The following CCDC82 variants were observed in gnomAD, a reference collection of about 807,000 sequenced individuals.
The protein encoded by CCDC82 is coiled-coil domain-containing protein 82.
Under a neutral mutation model 60.6 loss-of-function variants are expected in CCDC82, and 47 were observed. That is an observed-to-expected ratio of 0.77 (90% CI 0.61 to 0.99). The LOEUF (loss-of-function observed/expected upper bound fraction) is 0.99. Among genes scored for constraint, CCDC82 ranks in the 50% least tolerant of loss-of-function variants. The pLI is 0.00. For missense variants in CCDC82, 588 were observed against 633.0 expected, an observed-to-expected ratio of 0.93 and a Z score of 0.76; for synonymous variants, 212 against 207.4, an observed-to-expected ratio of 1.02 and a Z score of -0.19.
chr11:96,353,567 T>A lies in CCDC82; in HGVS notation c.*79A>T. On this transcript the variant is annotated 3_prime_UTR_variant, in exon 10 of 10. Coordinates refer to ENST00000646818, the MANE Select transcript of CCDC82 (RefSeq NM_024725.4). ...AAGATATAGATAAAATGTACAAACATGTCACATGATACAGAAAAACAAGAA... is the reference window on the plus strand; with the variant it reads ...AAGATATAGATAAAATGTACAAACAAGTCACATGATACAGAAAAACAAGAA... 6.5e-6 allele frequency: 7 copies of A among 1,070,648 alleles called. No individual in the cohort carries two copies. The South Asian group carries it at 9.0e-5, about 14-fold the overall frequency. The allele number at this position is 1,070,648 out of a possible 1,614,324, so 66.3% of individuals were successfully genotyped here.
intron 9 of CCDC82, chr11:96,357,846 G>C (rs1864425665): frequency 1.0e-6 from 1 of 985,398 alleles, no homozygotes; most frequent in Non-Finnish European, 1.2e-6. Flanking sequence ...GATAAGCAGG[G>C]AGAAGCATTT....
intron 5 of CCDC82, chr11:96,381,088 T>C (rs1423281020): frequency 6.6e-6 from 1 of 151,678 alleles, no homozygotes; most frequent in Non-Finnish European, 1.5e-5. Flanking sequence ...AATATTTCTG[T>C]AACTCCAAAA....
At chr11:96,373,671 G>C (rs1000084043) in intron 5 of CCDC82, among the ~76,000 whole-genome samples, 1 of 152,102 alleles carries the variant, frequency 6.6e-6, no homozygotes, top group African/African-American at 2.4e-5. Flanking sequence ...CCAATCCAAA[G>C]TGTCTACTTG....
intron 8 of CCDC82, chr11:96,363,953 GTTTA>G (rs1864808336): frequency 6.6e-6 from 1 of 151,914 alleles, no homozygotes; most frequent in Admixed American, 6.6e-5. Flanking sequence ...CATGCTTTCA[GTTTA>G]TTGTTTTTTT....
At chr11:96,388,458 C>T (rs1267028950) in intron 1 of CCDC82, 2 of 152,314 alleles carry the variant, frequency 1.3e-5, no homozygotes, top group East Asian at 1.9e-4. Flanking sequence ...AATACTATCA[C>T]ATCTTTGTGT....
chr11:96,354,727 G>C (rs1591152637), intron 9 of CCDC82: 1 of 152,306 alleles, frequency 6.6e-6, no homozygotes, highest in Non-Finnish European at 1.5e-5. Context: ...AGGCTCTTTT[G>C]CAGGTTGTTT....
In CCDC82 at chr11:96,356,576, G is replaced by A. The variant is rs555308753; in HGVS notation, c.1566+2417C>T. ...CTTTCTTCTTAATGAACAAATATTC[G>A]TTAGAATTTTGCCAGTGTCATATTA... On this transcript the variant is annotated intron_variant, in intron 9 of 9. Coordinates refer to ENST00000646818, the MANE Select transcript of CCDC82 (RefSeq NM_024725.4). The A allele has an allele frequency of 1.1e-5, 11 of 984,606 alleles. No individual in the cohort carries two copies. The South Asian group carries it at 4.2e-4, about 38-fold the overall frequency. 61.0% of individuals were successfully genotyped at this position (984,606 alleles called of 1,614,324 possible). A position where few individuals can be genotyped will look rare whatever the true frequency, so the allele number is the denominator to read the frequency against.
At chr11:96,361,736 C>T (rs898908789) in intron 8 of CCDC82, among the ~76,000 whole-genome samples, 1 of 152,054 alleles carries the variant, frequency 6.6e-6, no homozygotes, top group Non-Finnish European at 1.5e-5. Flanking sequence ...GTATAAAATA[C>T]TAAAACAGGT....
chr11:96,359,401 C>A, intron 8 of CCDC82: 1 of 408,818 alleles, frequency 2.4e-6, no homozygotes, highest in Non-Finnish European at 4.3e-6. Context: ...TACCTATTAC[C>A]GGTATTAGGG....
chr11:96,383,164 A>G, intron 5 of CCDC82, 105 bp downstream of exon 5: 1 of 714,756 alleles, frequency 1.4e-6, no homozygotes, highest in South Asian at 1.7e-5. Context: ...ATGAAACCAC[A>G]GTTTCTAGTC....
At chr11:96,360,440 C>A (rs1864598691) in intron 8 of CCDC82, among the ~76,000 whole-genome samples, 1 of 151,708 alleles carries the variant, frequency 6.6e-6, no homozygotes, top group African/African-American at 2.4e-5. Context: ...CGTGATCTGC[C>A]CACCTCGGCC....
intron 1 of CCDC82, chr11:96,388,785 G>A (rs893729306): frequency 3.2e-4 from 48 of 152,210 alleles, no homozygotes; most frequent in African/African-American, 1.1e-3. Flanking sequence ...TCTACCAGGA[G>A]GGATCCATTC....
chr11:96,367,308 A>T (rs1345150271), intron 7 of CCDC82, among the ~76,000 whole-genome samples: 1 of 152,242 alleles, frequency 6.6e-6, no homozygotes, highest in Non-Finnish European at 1.5e-5. Flanking sequence ...ATTGTATGTT[A>T]TACAGAATAG....
At chr11:96,370,684 C>T (rs1358578582) in intron 7 of CCDC82, among the ~76,000 whole-genome samples, 1 of 152,154 alleles carries the variant, frequency 6.6e-6, no homozygotes, top group East Asian at 1.9e-4. Flanking sequence ...CAGCTTACAA[C>T]CCCTGATTCT....
chr11:96,362,603 CTCTT>C (rs1864721920), intron 8 of CCDC82, among the ~76,000 whole-genome samples: 1 of 152,142 alleles, frequency 6.6e-6, no homozygotes. Context: ...TTTCACAACT[CTCTT>C]TCATCCAGGT....
At chr11:96,367,824 T>A (rs1057395913) in intron 7 of CCDC82, among the ~76,000 whole-genome samples, 2 of 148,784 alleles carry the variant, frequency 1.3e-5, no homozygotes, top group Admixed American at 1.3e-4. Context: ...GTATTTCTTT[T>A]TTTTTTTTTT....
rs137932152 is a variant in CCDC82 at position 96,357,844 on chromosome 11, G to C, written c.1566+1149C>G. On this transcript the variant is annotated intron_variant, in intron 9 of 9. Coordinates refer to ENST00000646818, the MANE Select transcript of CCDC82 (RefSeq NM_024725.4). ...GCAAATGAAAAAGTACGGATAAGCA[G>C]GGAGAAGCATTTGGAGTAGGAGAAG... 164 of 985,378 alleles carry C rather than the reference G, an allele frequency of 1.7e-4. 3 individuals are homozygous for C. In the East Asian group the frequency reaches 0.015, roughly 93 times the overall value. 61.0% of individuals were successfully genotyped at this position (985,378 alleles called of 1,614,324 possible).
intron 5 of CCDC82, among the ~76,000 whole-genome samples, chr11:96,374,251 G>A (rs1865446720): frequency 6.6e-6 from 1 of 152,160 alleles, no homozygotes; most frequent in African/African-American, 2.4e-5. Context: ...AGTATTTCGA[G>A]AAATATAGAA....
chr11:96,378,759 T>C (rs528372093), intron 5 of CCDC82, among the ~76,000 whole-genome samples: 1 of 152,148 alleles, frequency 6.6e-6, no homozygotes, highest in East Asian at 1.9e-4. Context: ...TATGTAAATG[T>C]GGCATGCAAT....
Sources: allele counts gnomAD v4.1 joint callset (sites outside exome capture counted in the v4.1 genomes callset), GRCh38; gene constraint gnomAD v4.1.1; transcripts MANE v1.5; gene names NCBI Gene and HGNC (gene_info 2026-07-23, HGNC 2026-07-21).